Variants in KIRREL1 observed in about 807,000 individuals in gnomAD.
The protein encoded by KIRREL1 is kin of IRRE-like protein 1.
KIRREL1 carries 25 observed loss-of-function variants against 83.3 expected under a neutral mutation model. That is an observed-to-expected ratio of 0.30 (90% CI 0.22 to 0.42). The LOEUF is 0.42. KIRREL1 is among the 10% of genes least tolerant of loss of function. The pLI, the probability that KIRREL1 is intolerant of heterozygous loss-of-function variation, is 1.00. For synonymous variants in KIRREL1, 388 were observed against 410.4 expected (o/e 0.95, Z 0.66); for missense variants, 812 against 1,032.3 (o/e 0.79, Z 2.92).
intron 2 of KIRREL1, among the ~76,000 whole-genome samples, chr1:158,076,523 AAG>A (rs1661687561): frequency 2.0e-5 from 3 of 152,174 alleles, no homozygotes; most frequent in African/African-American, 7.2e-5. Flanking sequence ...ACCTTTATAT[AAG>A]AGAGTTTCAG....
chr1:158,077,250 A>G lies in KIRREL1; in HGVS notation c.203-741A>G, dbSNP rs2101626043. 1.3e-5 allele frequency among the ~76,000 whole-genome samples: 2 copies of G among 152,248 alleles called. 1 individual carries two copies. The highest frequency in any genetic ancestry group is 1.3e-4 in the Admixed American group (2 of 15,300). ...GTGTAGAGCAATCCATATAAGGGAA[A>G]GAGATGGGTCTGGTAGATCTATTGA... On this transcript the variant is annotated intron_variant, in intron 2 of 14. Transcript: ENST00000359209.
At chr1:158,047,587 G>T (rs534239519) in intron 1 of KIRREL1, among the ~76,000 whole-genome samples, 1 of 152,128 alleles carries the variant, frequency 6.6e-6, no homozygotes, top group Non-Finnish European at 1.5e-5. Flanking sequence ...ATATATGGGC[G>T]GTGCTTTATC....
intron 4 of KIRREL1, among the ~76,000 whole-genome samples, 181 bp from the exon 5 acceptor site, chr1:158,086,415 A>G (rs1043208606): frequency 1.6e-5 from 2 of 124,322 alleles, no homozygotes; most frequent in Non-Finnish European, 3.4e-5. Flanking sequence ...TTAGTAGTCT[A>G]TTGATTAAAC....
chr1:157,997,213 A>G (rs1659230655), intron 1 of KIRREL1, among the ~76,000 whole-genome samples: 1 of 152,200 alleles, frequency 6.6e-6, no homozygotes, highest in Admixed American at 6.5e-5. Context: ...ACCATTTGGT[A>G]GTCGTAAGCT....
At chr1:158,074,682 G>A (rs531213395) in intron 1 of KIRREL1, among the ~76,000 whole-genome samples, 40 of 152,302 alleles carry the variant, frequency 2.6e-4, no homozygotes, top group African/African-American at 8.9e-4. Flanking sequence ...CTTCCTGGAA[G>A]AGGGACATGT....
Position 158,089,827 on chromosome 1 carries a change from C to T in KIRREL1, c.1272+9C>T, listed in dbSNP as rs766434496. ...CACCCCCAGACCGCATAGTGAGTGG[C>T]GGACCTGCCTGCGGACAGCCAGCCC... On this transcript the variant is annotated intron_variant, in intron 10 of 14. Coordinates refer to ENST00000359209, the MANE Select transcript of KIRREL1 (RefSeq NM_018240.7). 27 of 1,611,750 alleles carry T rather than the reference C, an allele frequency of 1.7e-5. No homozygotes were observed. Among genetic ancestry groups the T allele is most frequent in the Admixed American group, 1.0e-4 (6 of 59,974 alleles).
Position 158,093,689 on chromosome 1 carries a change from C to T in KIRREL1, c.1646C>T (p.Thr549Met), listed in dbSNP as rs1181952046. 23 of 1,614,194 alleles carry T rather than the reference C, an allele frequency of 1.4e-5. No individual in the cohort carries two copies. Among genetic ancestry groups the T allele is most frequent in the Middle Eastern group, 1.6e-4 (1 of 6,062 alleles). ...GAGACAGTGAACCGAGAGCCACTTA[C>T]GATGCATTCTGACCGGGAGGATGAC... ...KVETVNREPL[T>M]MHSDREDDTA... The change falls in exon 13 of 15, where the codon ACG (threonine) becomes ATG (methionine). Residue 549 changes from threonine (T) to methionine (M), a missense_variant. This residue lies in a region of KIRREL1 where 334 missense variants were observed against 383.7 expected (regional missense o/e 0.87). Coordinates refer to ENST00000359209, the MANE Select transcript of KIRREL1 (RefSeq NM_018240.7).
In KIRREL1 at chr1:158,094,625, C is replaced by G. The variant is rs1481698486; in HGVS notation, c.1798-19C>G. 5.1e-6 allele frequency: 8 copies of G among 1,563,064 alleles called. No individual in the cohort carries two copies. Among genetic ancestry groups the G allele is most frequent in the Non-Finnish European group, 6.9e-6 (8 of 1,151,482 alleles). Reference sequence around the variant, plus strand: ...CAAGAGGGAACACTGCCTCCATCCTCTTCTCTCATTGCCCCCAGGACCCCA... The same window carrying G: ...CAAGAGGGAACACTGCCTCCATCCTGTTCTCTCATTGCCCCCAGGACCCCA... On this transcript the variant is annotated intron_variant, in intron 14 of 14. Transcript: ENST00000359209. The surrounding 1 kb of genome is among the most constrained non-coding windows in gnomAD (Gnocchi z 4.6).
intron 1 of KIRREL1, among the ~76,000 whole-genome samples, chr1:158,008,392 C>T (rs1051590563): frequency 3.3e-5 from 5 of 152,244 alleles, no homozygotes; most frequent in East Asian, 3.9e-4. Context: ...GCTTTATCCC[C>T]GGAGCTCCCC....
intron 1 of KIRREL1, among the ~76,000 whole-genome samples, chr1:158,035,512 C>G (rs940850809): frequency 6.6e-6 from 1 of 152,142 alleles, no homozygotes; most frequent in Non-Finnish European, 1.5e-5. Context: ...ATAATGAGCA[C>G]CTATTCTGCA....
intron 1 of KIRREL1, among the ~76,000 whole-genome samples, chr1:158,029,731 C>T (rs1660271858): frequency 6.6e-6 from 1 of 152,192 alleles, no homozygotes; most frequent in Non-Finnish European, 1.5e-5. Context: ...TGTTCAGACA[C>T]AATTGTGACA....
At chr1:158,062,882 C>T (rs1169818921) in intron 1 of KIRREL1, among the ~76,000 whole-genome samples, 1 of 152,226 alleles carries the variant, frequency 6.6e-6, no homozygotes, top group East Asian at 1.9e-4. Flanking sequence ...TTGTCTATGT[C>T]CATTCTCTCC....
intron 1 of KIRREL1, among the ~76,000 whole-genome samples, chr1:158,063,637 C>T (rs959545612): frequency 9.8e-5 from 15 of 152,352 alleles, no homozygotes; most frequent in African/African-American, 3.6e-4. Context: ...GCTCAACATA[C>T]CAGCCAGGCT....
At chr1:158,052,279 A>T (rs1660927255) in intron 1 of KIRREL1, among the ~76,000 whole-genome samples, 1 of 152,164 alleles carries the variant, frequency 6.6e-6, no homozygotes, top group Non-Finnish European at 1.5e-5. Context: ...TCCTGCCTGG[A>T]GGAACTGTCC....
chr1:158,065,193 C>T (rs1661327009), intron 1 of KIRREL1, among the ~76,000 whole-genome samples: 1 of 152,054 alleles, frequency 6.6e-6, no homozygotes, highest in Non-Finnish European at 1.5e-5. Flanking sequence ...GGAGACTGTT[C>T]CTAAAAGTGC....
At chr1:158,008,338 T>C (rs970848471) in intron 1 of KIRREL1, among the ~76,000 whole-genome samples, 5 of 152,108 alleles carry the variant, frequency 3.3e-5, no homozygotes, top group African/African-American at 1.2e-4. Context: ...GCTGTGCCCC[T>C]TGGGGAGGCC....
intron 1 of KIRREL1, among the ~76,000 whole-genome samples, chr1:158,052,224 A>G (rs960595419): frequency 6.6e-6 from 1 of 152,222 alleles, no homozygotes; most frequent in African/African-American, 2.4e-5. Flanking sequence ...CATATGCAGC[A>G]GTCCACAAAC....
Position 158,084,291 on chromosome 1 carries a change from G to T in KIRREL1, c.353-131G>T. 1.8e-5 allele frequency: 14 copies of T among 765,722 alleles called. No individual in the cohort carries two copies. In the South Asian group the frequency reaches 2.8e-4, roughly 15 times the overall value. The allele number at this position is 765,722 out of a possible 1,614,324, so 47.4% of individuals were successfully genotyped here. A position where few individuals can be genotyped will look rare whatever the true frequency, so the allele number is the denominator to read the frequency against. ...CAATGAAGACAGTGGTTGTAGATTAGGGGGTAGGGTGGTACCGCCTACCTA... is the reference window on the plus strand; with the variant it reads ...CAATGAAGACAGTGGTTGTAGATTATGGGGTAGGGTGGTACCGCCTACCTA... On this transcript the variant is annotated intron_variant, in intron 3 of 14. Coordinates refer to ENST00000359209, the MANE Select transcript of KIRREL1 (RefSeq NM_018240.7).
chr1:158,073,200 G>A (rs565488891), intron 1 of KIRREL1, among the ~76,000 whole-genome samples: 2 of 152,208 alleles, frequency 1.3e-5, no homozygotes, highest in South Asian at 2.1e-4. Context: ...TTAAATTCCC[G>A]AGATGTCTTT....
Sources: allele counts gnomAD v4.1 joint callset (sites outside exome capture counted in the v4.1 genomes callset), GRCh38; gene constraint gnomAD v4.1.1; regional missense constraint gnomAD v4.1.1; non-coding constraint Gnocchi (gnomAD v3.1); transcripts MANE v1.5; gene names NCBI Gene and HGNC (gene_info 2026-07-23, HGNC 2026-07-21).